The following SCYL1 variants were observed in gnomAD, a reference collection of about 807,000 sequenced individuals.
SCYL1 encodes the protein N-terminal kinase-like protein.
Under a neutral mutation model 94.8 loss-of-function variants are expected in SCYL1, and 85 were observed. That is an observed-to-expected ratio of 0.90 (90% confidence interval 0.75 to 1.07). The LOEUF (loss-of-function observed/expected upper bound fraction) is 1.07. Among genes scored for constraint, SCYL1 ranks in the 50% least tolerant of loss-of-function variants. The pLI, the probability that SCYL1 is intolerant of heterozygous loss-of-function variation, is 0.00. For synonymous variants in SCYL1, 459 were observed against 435.5 expected, an observed-to-expected ratio of 1.05 and a Z score of -0.67; for missense variants, 968 against 1,083.3, an observed-to-expected ratio of 0.89 and a Z score of 1.49.
In SCYL1 at chr11:65,526,906, C is replaced by G. The variant is rs772428096; in HGVS notation, c.693+33C>G. The G allele has an allele frequency of 2.2e-5, 36 of 1,611,436 alleles. No individual in the cohort carries two copies. The highest frequency in any genetic ancestry group is 6.7e-5 in the Admixed American group (4 of 59,962). ...TCTTGCCCCTGGCTCTTTGCCCTGC[C>G]TCAGCCCCTCTGCCAGCTGGCTACC... On this transcript the variant is annotated intron_variant, in intron 5 of 17. Transcript: ENST00000270176. The surrounding 1 kb of genome is among the most constrained non-coding windows in gnomAD (Gnocchi z 4.1).
intron 8 of SCYL1, among the ~76,000 whole-genome samples, chr11:65,532,302 G>A (rs917621628): frequency 2.0e-5 from 3 of 152,026 alleles, no homozygotes; most frequent in African/African-American, 7.2e-5. Flanking sequence ...GTGGGTGCCT[G>A]TAATCCCAGC....
Position 65,536,080 on chromosome 11 carries a change from A to G in SCYL1, c.1514A>G (p.Gln505Arg), listed in dbSNP as rs746440945. Residue 505 changes from glutamine (Q) to arginine (R), a missense_variant, in exon 11 of 18, where the codon CAG (glutamine) becomes CGG (arginine). Physicochemically the swap from Gln to Arg is conservative, Grantham distance 43 (BLOSUM62 1). Transcript: ENST00000270176. ...HNLYSMNDCA[Q>R]KILPVLCGLT... ...CTCTACTCAATGAACGACTGTGCCC[A>G]GAAGATCCTGCCTGTGCTCTGCGGT... The G allele has an allele frequency of 2.7e-5, 43 of 1,614,118 alleles. No homozygotes were observed. The highest frequency in any genetic ancestry group is 3.4e-5 in the Non-Finnish European group (40 of 1,180,036).
rs771612585 is a variant in SCYL1, at chr11:65,537,853, C to T, written c.2004C>T (p.Thr668=). 7.6e-6 allele frequency: 12 copies of T among 1,575,262 alleles called. No individual in the cohort carries two copies. In the East Asian group the frequency reaches 1.4e-4, roughly 18 times the overall value. Residue 668 remains threonine, a synonymous_variant, in exon 15 of 18, where the codon ACC becomes ACT. Transcript: ENST00000270176. ...TGGCCCAGCAGGACGACTGGAGCAC[C>T]GGGGGCCAAGTGAGCCGTGCTAGTC... The part of the protein sequence containing the change: ...SVLAQQDDWS[T]GGQVSRASQV...
chr11:65,527,963 G>A (rs552237978), intron 6 of SCYL1, among the ~76,000 whole-genome samples: 4 of 152,244 alleles, frequency 2.6e-5, no homozygotes, highest in South Asian at 4.1e-4. Context: ...GTCACTCCAC[G>A]TGTACATTCT....
chr11:65,538,063 A>C lies in SCYL1; in HGVS notation c.2128A>C (p.Ser710Arg). ...CTGGGAACAGGGCTGGCAGGAGCCA[A>C]GCTCCCAGGAGCCACCTCCTGACGG... Reference protein sequence around the residue: ...GSWEQGWQEPSSQEPPPDGTR... With the variant: ...GSWEQGWQEPRSQEPPPDGTR... Residue 710 changes from serine to arginine, a missense_variant, in exon 16 of 18, where the codon AGC (serine) becomes CGC (arginine). This residue lies in a region of SCYL1 where 474 missense variants were observed against 463.6 expected (regional missense o/e 1.02). Transcript: ENST00000270176. 1 of 1,608,648 alleles carries C rather than the reference A, an allele frequency of 6.2e-7. No homozygotes were observed.
chr11:65,537,317 C>T (rs1164321075), intron 14 of SCYL1, among the ~76,000 whole-genome samples, 189 bp downstream of exon 14: 1 of 152,226 alleles, frequency 6.6e-6, no homozygotes, highest in Non-Finnish European at 1.5e-5. Context: ...ACCCCAGCGG[C>T]CCCAGGGAGC....
chr11:65,536,926 T>A, intron 13 of SCYL1, 60 bp from the exon 14 acceptor site: 10 of 1,090,214 alleles, frequency 9.2e-6, no homozygotes, highest in South Asian at 1.3e-5. Context: ...CCCCTTCCCC[T>A]AGCAGCCTCT....
Position 65,525,084 on chromosome 11 carries a change from C to T in SCYL1, c.-70C>T, listed in dbSNP as rs891291817. 5.5e-5 allele frequency: 60 copies of T among 1,098,828 alleles called. 1 individual carries two copies. In the African/African-American group the frequency reaches 9.5e-4, roughly 17 times the overall value. The allele number at this position is 1,098,828 out of a possible 1,614,324, so 68.1% of individuals were successfully genotyped here. A position where few individuals can be genotyped will look rare whatever the true frequency, so the allele number is the denominator to read the frequency against. On this transcript the variant is annotated 5_prime_UTR_variant, in exon 1 of 18. Transcript: ENST00000270176. Reference sequence around the variant, plus strand: ...TGACGCAGGCCCCGCCCCCTCTCCGCCCCGCCCCGGCTCGGGCGGCCGGAG... The same window carrying T: ...TGACGCAGGCCCCGCCCCCTCTCCGTCCCGCCCCGGCTCGGGCGGCCGGAG...
At position 65,536,662 on chromosome 11, in the gene SCYL1, G is replaced by T; in HGVS notation, c.1728G>T (p.Gly576=). 1 of 1,614,032 alleles carries T rather than the reference G, an allele frequency of 6.2e-7. No homozygotes were observed. The highest frequency in any genetic ancestry group is 8.5e-7 in the Non-Finnish European group (1 of 1,179,950). Residue 576 remains glycine (G), a synonymous_variant, in exon 13 of 18, where the codon GGG becomes GGT. Coordinates refer to ENST00000270176, the MANE Select transcript of SCYL1 (RefSeq NM_020680.4). ...GCTGGGCAGGCTGGGCCGTGACCGG[G>T]GTCTCCTCACTCACCTCCAAGCTGA... is the stretch of plus-strand genomic sequence containing the variant. ...AASWAGWAVT[G]VSSLTSKLIR...
At chr11:65,528,709 C>T (rs1348321706) in intron 6 of SCYL1, among the ~76,000 whole-genome samples, 2 of 151,812 alleles carry the variant, frequency 1.3e-5, no homozygotes, top group African/African-American at 2.4e-5. Flanking sequence ...TGCAGTGAGC[C>T]GAGATCGCAC....
At chr11:65,528,299 G>A (rs1333946348) in intron 6 of SCYL1, among the ~76,000 whole-genome samples, 1 of 151,916 alleles carries the variant, frequency 6.6e-6, no homozygotes, top group Non-Finnish European at 1.5e-5. Context: ...AAATTAGCCG[G>A]GAGTGGTGGC....
At chr11:65,527,185 G>A in intron 6 of SCYL1, 68 bp downstream of exon 6, 1 of 1,555,630 alleles carries the variant, frequency 6.4e-7, no homozygotes, top group Non-Finnish European at 8.8e-7. Flanking sequence ...TGCTTTTCAG[G>A]GTACCTCACA....
intron 1 of SCYL1, 90 bp from the exon 2 acceptor site, chr11:65,525,484 C>T (rs1855026922): frequency 6.6e-7 from 1 of 1,506,260 alleles, no homozygotes; most frequent in Non-Finnish European, 8.9e-7. Flanking sequence ...GTCCCTAAGG[C>T]TGACCTGGGG....
intron 7 of SCYL1, 144 bp from the exon 8 acceptor site, chr11:65,531,432 A>G (rs1855354657): frequency 3.0e-6 from 2 of 659,948 alleles, no homozygotes; most frequent in Non-Finnish European, 5.5e-6. Flanking sequence ...GAATATGGGT[A>G]GAGGAGCTAC....
Position 65,538,514 on chromosome 11 carries a change from A to C in SCYL1, c.2375A>C (p.Glu792Ala). The change falls in exon 18 of 18, where the codon GAG becomes GCG. Residue 792 changes from glutamate to alanine, a missense_variant. This residue lies in a region of SCYL1 where 474 missense variants were observed against 463.6 expected (regional missense o/e 1.02). Coordinates refer to ENST00000270176, the MANE Select transcript of SCYL1 (RefSeq NM_020680.4). Reference sequence around the variant, plus strand: ...CGGGAGATGGAGGCCAAACGCGCCGAGAGGAAGGTGGCCAAGGGCCCCATG... The same window carrying C: ...CGGGAGATGGAGGCCAAACGCGCCGCGAGGAAGGTGGCCAAGGGCCCCATG... ...RRREMEAKRA[E>A]RKVAKGPMKL... The C allele has an allele frequency of 3.1e-6, 5 of 1,609,530 alleles. No homozygotes were observed. Among genetic ancestry groups the C allele is most frequent in the Non-Finnish European group, 4.2e-6 (5 of 1,178,796 alleles).
chr11:65,536,427 C>G (rs1855646685), intron 12 of SCYL1, 93 bp downstream of exon 12: 3 of 1,456,280 alleles, frequency 2.1e-6, no homozygotes, highest in African/African-American at 1.4e-5. Context: ...TCTGAAAGGT[C>G]CTAGTGAGCA....
chr11:65,538,420 G>T, intron 17 of SCYL1, 22 bp from the exon 18 acceptor site: 1 of 1,544,006 alleles, frequency 6.5e-7, no homozygotes. Context: ...GCTGAGACCG[G>T]GGCTCCCCTT....
chr11:65,529,000 G>A (rs1347908260), intron 6 of SCYL1, among the ~76,000 whole-genome samples: 2 of 152,202 alleles, frequency 1.3e-5, no homozygotes, highest in African/African-American at 2.4e-5. Flanking sequence ...ATAGTGAGGA[G>A]CATCTGGGTG....
At chr11:65,532,554 C>A in intron 8 of SCYL1, 138 bp from the exon 9 acceptor site, 1 of 697,714 alleles carries the variant, frequency 1.4e-6, no homozygotes, top group South Asian at 1.7e-5. Flanking sequence ...AGGCCAAACA[C>A]CTGGGTGGTG....
Sources: gnomAD v4.1 joint callset for allele counts (sites outside exome capture counted in the v4.1 genomes callset) on GRCh38, gnomAD v4.1.1 for gene constraint, gnomAD v4.1.1 regional missense constraint, Gnocchi (gnomAD v3.1) non-coding constraint, MANE v1.5 for transcripts, NCBI Gene and HGNC (gene_info 2026-07-23, HGNC 2026-07-21) for gene names.